Variants in TLR6 observed in about 807,000 individuals in gnomAD.
TLR6 encodes the protein toll-like receptor 6.
In TLR6, 9 loss-of-function variants were observed where a neutral mutation model predicts 16.1. The ratio of observed to expected loss-of-function variants is 0.56; its 90% CI spans 0.34 to 0.98. The LOEUF is 0.98. TLR6 is among the 50% of genes least tolerant of loss of function. The probability of loss-of-function intolerance (pLI) is 0.02; values close to 1 mark genes in which losing one functional copy is unlikely to be tolerated. For synonymous variants in TLR6, 340 were observed against 338.6 expected (o/e 1.00, Z -0.04); for missense variants, 786 against 921.0 (o/e 0.85, Z 1.90).
chr4:38,835,098 G>C (rs1434194643), intron 1 of TLR6, among the ~76,000 whole-genome samples: 1 of 152,152 alleles, frequency 6.6e-6, no homozygotes, highest in Non-Finnish European at 1.5e-5. Flanking sequence ...TAAGCCAAAT[G>C]ACAGAAATAA....
exon 2 of TLR6, chr4:38,828,908 T>C (rs780581489): frequency 1.2e-6 from 2 of 1,610,286 alleles, no homozygotes; most frequent in South Asian, 2.2e-5. Context: ...TTGTAGACTT[T>C]CTGTCTCATT....
At chr4:38,840,571 T>C (rs1579251282) in intron 1 of TLR6, among the ~76,000 whole-genome samples, 1 of 150,804 alleles carries the variant, frequency 6.6e-6, no homozygotes, top group Admixed American at 6.6e-5. Context: ...GAGGTGGAGG[T>C]TGCAATGAGC....
chr4:38,828,048 G>A lies in TLR6; in HGVS notation c.1426C>T (p.Gln476Ter), dbSNP rs781268407. The A allele has an allele frequency of 3.1e-6, 5 of 1,614,072 alleles. No homozygotes were observed. Among genetic ancestry groups the A allele is most frequent in the African/African-American group, 1.3e-5 (1 of 74,928 alleles). The change falls in exon 2 of 2, where the codon CAA becomes TAA. Residue 476 changes from glutamine (Q) to a stop codon, truncating the protein, a stop_gained. Coordinates refer to ENST00000436693, the Ensembl canonical transcript of TLR6. LOFTEE classifies it high-confidence loss of function. ...GAATTGAAAGCAACATTGAGTTCTTGCAAAGCTTCCAGTTTTACGACTTGT... is the reference window on the plus strand; with the variant it reads ...GAATTGAAAGCAACATTGAGTTCTTACAAAGCTTCCAGTTTTACGACTTGT...
At chr4:38,827,202 G>A (rs199991862) in exon 2 of TLR6, 162 of 1,614,128 alleles carry the variant, frequency 1.0e-4, no homozygotes, top group South Asian at 1.8e-4. Flanking sequence ...AAATAAGTCC[G>A]CTGCGTCATG....
intron 1 of TLR6, among the ~76,000 whole-genome samples, chr4:38,836,445 C>T (rs1711922546): frequency 6.6e-6 from 1 of 152,124 alleles, no homozygotes; most frequent in Non-Finnish European, 1.5e-5. Context: ...ATAGAAAAAT[C>T]TGAACAGACC....
chr4:38,832,601 G>A (rs1711667745), intron 1 of TLR6, among the ~76,000 whole-genome samples: 1 of 152,036 alleles, frequency 6.6e-6, no homozygotes. Context: ...TTCAGCATAA[G>A]GCTCTTTTAA....
At chr4:38,854,644 A>T (rs1579262268) in intron 1 of TLR6, among the ~76,000 whole-genome samples, 1 of 152,216 alleles carries the variant, frequency 6.6e-6, no homozygotes, top group Non-Finnish European at 1.5e-5. Context: ...AAAAATTAGT[A>T]CAAGCTTTCT....
intron 1 of TLR6, among the ~76,000 whole-genome samples, chr4:38,831,734 T>C (rs947378019): frequency 6.6e-6 from 1 of 152,184 alleles, no homozygotes; most frequent in Non-Finnish European, 1.5e-5. Context: ...AGAAGATATG[T>C]AAAGAGCAAA....
At chr4:38,862,329 G>A in the TLR6 span, among the ~76,000 whole-genome samples, 1 of 152,088 alleles carries the variant, frequency 6.6e-6, no homozygotes, top group African/African-American at 2.4e-5. Flanking sequence ...ACCCTGGCTG[G>A]AGTGCAGTGG....
At chr4:38,848,415 G>A (rs575724674) in intron 1 of TLR6, among the ~76,000 whole-genome samples, 10 of 152,350 alleles carry the variant, frequency 6.6e-5, no homozygotes, top group African/African-American at 2.2e-4. Context: ...CGCCAGCAAC[G>A]GAACAAAGCT....
At chr4:38,847,201 GAAAACTTT>G (rs1289923257) in intron 1 of TLR6, among the ~76,000 whole-genome samples, 1 of 152,100 alleles carries the variant, frequency 6.6e-6, no homozygotes, top group Non-Finnish European at 1.5e-5. Flanking sequence ...AAAATACTTT[GAAAACTTT>G]ATAAAGAATA....
At chr4:38,852,236 G>C (rs1273274297) in intron 1 of TLR6, among the ~76,000 whole-genome samples, 4 of 152,036 alleles carry the variant, frequency 2.6e-5, no homozygotes, top group African/African-American at 9.7e-5. Context: ...AATTCAAGAT[G>C]GATTAAAGAC....
chr4:38,857,662 AAAAC>A (rs1442483082), upstream of TLR6, among the ~76,000 whole-genome samples: 1 of 150,896 alleles, frequency 6.6e-6, no homozygotes, highest in African/African-American at 2.5e-5. Context: ...TATTAAAAAA[AAAAC>A]AACAACAAGT....
chr4:38,858,755 GAGGGA>G (rs1560274445), upstream of TLR6, among the ~76,000 whole-genome samples: 164 of 60,522 alleles, frequency 2.7e-3, 7 homozygotes, highest in East Asian at 0.034. Context: ...GAGAGAGAGA[GAGGGA>G]GAGAGAGAGA....
chr4:38,836,851 A>T (rs1180301391), intron 1 of TLR6, among the ~76,000 whole-genome samples: 1 of 152,004 alleles, frequency 6.6e-6, no homozygotes, highest in African/African-American at 2.4e-5. Context: ...GAGGCATGAG[A>T]ATCACTTGAA....
downstream of TLR6, among the ~76,000 whole-genome samples, chr4:38,823,026 G>T (rs1727390936): frequency 6.6e-6 from 1 of 152,172 alleles, no homozygotes; most frequent in Admixed American, 6.5e-5. Context: ...AACTTGTGCA[G>T]GGAAACTCCC....
At chr4:38,856,061 A>G (rs1560273604) in intron 1 of TLR6, among the ~76,000 whole-genome samples, 1 of 152,236 alleles carries the variant, frequency 6.6e-6, no homozygotes, top group Admixed American at 6.5e-5. Flanking sequence ...GTTAACAAAT[A>G]GGCAAGAAAA....
the TLR6 span, among the ~76,000 whole-genome samples, chr4:38,866,141 A>G: frequency 6.6e-6 from 1 of 151,960 alleles, no homozygotes; most frequent in Admixed American, 6.6e-5. Context: ...ATAAAATAAA[A>G]TAAATATTCA....
At chr4:38,827,078 T>C (rs1009595948) in exon 2 of TLR6, 21 of 1,562,648 alleles carry the variant, frequency 1.3e-5, no homozygotes, top group Non-Finnish European at 1.8e-5. Context: ...ATTTCCTAAA[T>C]TTTTTTAAGA....
Sources: allele counts gnomAD v4.1 joint callset (sites outside exome capture counted in the v4.1 genomes callset), GRCh38; gene constraint gnomAD v4.1.1; transcripts MANE v1.5; gene names NCBI Gene and HGNC (gene_info 2026-07-23, HGNC 2026-07-21).